The following CYB5R4 variants were observed in gnomAD, a reference collection of about 807,000 sequenced individuals.
CYB5R4 encodes the protein cytochrome b5 reductase 4.
A neutral mutation model predicts 70.2 loss-of-function variants in CYB5R4; 55 were observed. That is an observed-to-expected ratio of 0.78 (90% CI 0.63 to 0.98). CYB5R4 has a LOEUF of 0.98. Ranked by LOEUF, CYB5R4 falls within the 50% of genes least tolerant of loss-of-function variation. CYB5R4 has a pLI of 0.00. For missense variants in CYB5R4, 562 were observed against 612.6 expected (o/e 0.92, Z 0.87); for synonymous variants, 197 against 199.5 (o/e 0.99, Z 0.11).
At chr6:83,874,670 T>A (rs187613540) in intron 2 of CYB5R4, among the ~76,000 whole-genome samples, 15 of 152,156 alleles carry the variant, frequency 9.9e-5, no homozygotes, top group Non-Finnish European at 1.6e-4. Context: ...TTTCCTTCAG[T>A]CTCTTCATCT....
chr6:83,888,381 G>T (rs2099460577), intron 2 of CYB5R4, among the ~76,000 whole-genome samples: 1 of 152,152 alleles, frequency 6.6e-6, no homozygotes, highest in Admixed American at 6.5e-5. Context: ...GCAACTCTGT[G>T]TCTAACAACT....
Position 83,893,619 on chromosome 6 carries a change from T to C in CYB5R4, c.327T>C (p.Asp109=), listed in dbSNP as rs780637785. 2.5e-6 allele frequency: 4 copies of C among 1,597,664 alleles called. No individual in the cohort carries two copies. In the Admixed American group the frequency reaches 5.0e-5, roughly 20 times the overall value. The change falls in exon 3 of 16, where the codon GAT becomes GAC. Residue 109 remains aspartate (D), a synonymous_variant. Transcript: ENST00000369681. ...AAGSDGTELF[D]QVHRWVNYES... is the part of the protein sequence containing the mutation. ...GATCAGATGGTACTGAACTTTTTGA[T>C]CAGGTAAGATGTGCTGAAAGTAACC...
chr6:83,867,749 C>T (rs958432824), intron 2 of CYB5R4, among the ~76,000 whole-genome samples: 3 of 152,220 alleles, frequency 2.0e-5, no homozygotes, highest in African/African-American at 7.2e-5. Context: ...CAGCATGACT[C>T]AGCGGGTTTG....
chr6:83,866,001 T>C (rs143845467), intron 2 of CYB5R4, among the ~76,000 whole-genome samples: 5 of 152,298 alleles, frequency 3.3e-5, no homozygotes, highest in African/African-American at 1.2e-4. Context: ...TCCCTATCTG[T>C]TTACCAGCTG....
intron 15 of CYB5R4, among the ~76,000 whole-genome samples, chr6:83,956,714 C>CA (rs1322400041): frequency 6.6e-6 from 1 of 152,076 alleles, no homozygotes; most frequent in Non-Finnish European, 1.5e-5. Flanking sequence ...AGGGCCATTT[C>CA]AAGACATGGC....
intron 14 of CYB5R4, among the ~76,000 whole-genome samples, chr6:83,949,176 C>T (rs370599494): frequency 4.0e-5 from 6 of 150,558 alleles, no homozygotes; most frequent in African/African-American, 7.3e-5. Context: ...AATGACCATG[C>T]CTGTGTATAT....
chr6:83,927,323 GTC>G (rs1192174793), intron 10 of CYB5R4, among the ~76,000 whole-genome samples: 5 of 152,124 alleles, frequency 3.3e-5, no homozygotes, highest in Admixed American at 2.0e-4. Flanking sequence ...ACAGCAAACT[GTC>G]TATCCTACAA....
intron 9 of CYB5R4, among the ~76,000 whole-genome samples, chr6:83,923,394 G>A (rs542336038): frequency 6.6e-6 from 1 of 152,176 alleles, no homozygotes; most frequent in South Asian, 2.1e-4. Flanking sequence ...CAAAGACCAT[G>A]GTTTTATTTT....
chr6:83,875,294 A>G (rs2099458351), intron 2 of CYB5R4, among the ~76,000 whole-genome samples: 1 of 152,034 alleles, frequency 6.6e-6, no homozygotes, highest in Non-Finnish European at 1.5e-5. Context: ...ATGTTTTTTT[A>G]GATACTGAGT....
intron 10 of CYB5R4, among the ~76,000 whole-genome samples, chr6:83,932,669 C>CTA (rs34420381): frequency 0.2 from 30,568 of 151,950 alleles, 6,650 homozygotes; most frequent in African/African-American, 0.54. Flanking sequence ...ACTTCACCCT[C>CTA]TGTATCTAGA....
chr6:83,876,861 G>C (rs770389891), intron 2 of CYB5R4, among the ~76,000 whole-genome samples: 17 of 151,648 alleles, frequency 1.1e-4, no homozygotes, highest in Admixed American at 7.9e-4. Context: ...TTCAGACAGA[G>C]TCTTGCTCTG....
chr6:83,885,419 A>T (rs1413245156), intron 2 of CYB5R4, among the ~76,000 whole-genome samples: 3 of 152,246 alleles, frequency 2.0e-5, no homozygotes, highest in Non-Finnish European at 4.4e-5. Flanking sequence ...GACTTTCAGA[A>T]GTAAACAAAG....
At chr6:83,944,868 A>G (rs1405111033) in intron 14 of CYB5R4, among the ~76,000 whole-genome samples, 1 of 152,162 alleles carries the variant, frequency 6.6e-6, no homozygotes, top group Non-Finnish European at 1.5e-5. Flanking sequence ...GGGATTAACA[A>G]GAAGAGCTAA....
intron 6 of CYB5R4, 102 bp downstream of exon 6, chr6:83,918,167 GT>G: frequency 1.3e-6 from 1 of 779,964 alleles, no homozygotes; most frequent in Non-Finnish European, 2.1e-6. Flanking sequence ...ATTGCTTACT[GT>G]TAGTCATGCT....
chr6:83,864,242 C>G lies in CYB5R4; in HGVS notation c.143C>G (p.Thr48Arg), dbSNP rs140006808. 8.7e-6 allele frequency: 14 copies of G among 1,612,802 alleles called. No individual in the cohort carries two copies. The highest frequency in any genetic ancestry group is 6.7e-5 in the African/African-American group (5 of 74,812). ...CTGACCAAAAGTGGAAAGGATCTAACGGGATTAAAAGGCAGGTTAATTGAA... is the reference window on the plus strand; with the variant it reads ...CTGACCAAAAGTGGAAAGGATCTAAGGGGATTAAAAGGCAGGTTAATTGAA... ...IRLTKSGKDLTGLKGRLIEVT... is the reference protein window; with the variant it reads ...IRLTKSGKDLRGLKGRLIEVT... Residue 48 changes from threonine (T) to arginine (R), a missense_variant, in exon 2 of 16, where the codon ACG (threonine) becomes AGG (arginine). Thr to Arg is a moderately conservative substitution (Grantham distance 71). Coordinates refer to ENST00000369681, the MANE Select transcript of CYB5R4 (RefSeq NM_016230.4).
intron 3 of CYB5R4, among the ~76,000 whole-genome samples, chr6:83,900,315 C>T (rs1373708390): frequency 6.6e-6 from 1 of 152,166 alleles, no homozygotes; most frequent in East Asian, 1.9e-4. Context: ...AGTTTGATTG[C>T]ACTGTGGTCT....
At chr6:83,909,484 A>G (rs570770078) in intron 4 of CYB5R4, among the ~76,000 whole-genome samples, 4 of 152,164 alleles carry the variant, frequency 2.6e-5, no homozygotes, top group South Asian at 2.1e-4. Flanking sequence ...CGCCTTCACT[A>G]TAGATAACCC....
intron 4 of CYB5R4, among the ~76,000 whole-genome samples, chr6:83,911,967 G>A (rs2099464759): frequency 6.6e-6 from 1 of 150,796 alleles, no homozygotes; most frequent in Non-Finnish European, 1.5e-5. Context: ...TGAGGCAAGA[G>A]GATTTCTTGA....
chr6:83,871,188 C>T (rs898735539), intron 2 of CYB5R4, among the ~76,000 whole-genome samples: 5 of 151,974 alleles, frequency 3.3e-5, no homozygotes, highest in Admixed American at 6.6e-5. Context: ...CCATGTTGGC[C>T]AGGCTGGTCT....
Sources: allele counts gnomAD v4.1 joint callset (sites outside exome capture counted in the v4.1 genomes callset), GRCh38; gene constraint gnomAD v4.1.1; transcripts MANE v1.5; gene names NCBI Gene and HGNC (gene_info 2026-07-23, HGNC 2026-07-21).